The following PLXNC1 variants were observed in gnomAD, a reference collection of about 807,000 sequenced individuals.
PLXNC1 encodes the protein plexin C1.
A neutral mutation model predicts 178.2 loss-of-function variants in PLXNC1; 75 were observed. The ratio of observed to expected loss-of-function variants is 0.42; its 90% confidence interval spans 0.35 to 0.51. PLXNC1 has a LOEUF of 0.51. PLXNC1 is among the 20% of genes least tolerant of loss of function. The probability of loss-of-function intolerance (pLI) is 0.02; values close to 1 mark genes in which losing one functional copy is unlikely to be tolerated. For missense variants in PLXNC1, 1,503 were observed against 1,984.4 expected, an observed-to-expected ratio of 0.76 and a Z score of 4.61; for synonymous variants, 790 against 779.9, an observed-to-expected ratio of 1.01 and a Z score of -0.22.
chr12:94,248,808 A>G lies in PLXNC1; in HGVS notation c.2778+396A>G, dbSNP rs375466829. On this transcript the variant is annotated intron_variant, in intron 14 of 30. Coordinates refer to ENST00000258526, the MANE Select transcript of PLXNC1 (RefSeq NM_005761.3). ...AAACAAACAAGGGCCTCTTCAGCAC[A>G]CTCTGGGTAGCATTAGAATCAGATG... 2.2e-4 allele frequency among the ~76,000 whole-genome samples: 33 copies of G among 152,288 alleles called. 3 individuals are homozygous for G. Among genetic ancestry groups the G allele is most frequent in the African/African-American group, 7.2e-4 (30 of 41,554 alleles).
intron 4 of PLXNC1, among the ~76,000 whole-genome samples, chr12:94,196,224 C>T (rs1962907641): frequency 6.6e-6 from 1 of 152,166 alleles, no homozygotes; most frequent in South Asian, 2.1e-4. Context: ...TCCTCCAAAT[C>T]TCGTGTTGAA....
chr12:94,177,185 A>ATATATG (rs1962105857), intron 2 of PLXNC1, among the ~76,000 whole-genome samples: 1 of 32,780 alleles, frequency 3.1e-5, no homozygotes, highest in Non-Finnish European at 5.7e-5. Flanking sequence ...ACGTATATAT[A>ATATATG]TGTATATATA....
At chr12:94,231,349 G>A (rs1025668620) in intron 9 of PLXNC1, among the ~76,000 whole-genome samples, 2 of 152,154 alleles carry the variant, frequency 1.3e-5, no homozygotes, top group Admixed American at 6.5e-5. Context: ...CCCTAAGTAG[G>A]CACAGAGGAT....
At chr12:94,259,792 G>T in intron 19 of PLXNC1, 58 bp downstream of exon 19, 1 of 1,483,568 alleles carries the variant, frequency 6.7e-7, no homozygotes, top group South Asian at 1.3e-5. Flanking sequence ...GGCCGGGCAT[G>T]GTGGCTCATG....
chr12:94,282,247 AGTG>A (rs753821651), intron 22 of PLXNC1, 48 bp from the exon 23 acceptor site: 18 of 1,239,886 alleles, frequency 1.5e-5, no homozygotes, highest in Non-Finnish European at 2.4e-6. Flanking sequence ...GTGAAAGTAA[AGTG>A]GTGGCATTTT....
At chr12:94,243,080 G>T (rs1386199051) in intron 11 of PLXNC1, among the ~76,000 whole-genome samples, 1 of 152,270 alleles carries the variant, frequency 6.6e-6, no homozygotes, top group Non-Finnish European at 1.5e-5. Flanking sequence ...TCGGTTTTCT[G>T]GTAATGGCTA....
At chr12:94,188,934 A>G (rs1347171485) in intron 4 of PLXNC1, among the ~76,000 whole-genome samples, 1 of 152,228 alleles carries the variant, frequency 6.6e-6, no homozygotes, top group Non-Finnish European at 1.5e-5. Context: ...ACGGCCATTG[A>G]GAATGAGGTG....
chr12:94,208,456 G>GA (rs1963371036), intron 4 of PLXNC1, among the ~76,000 whole-genome samples: 2 of 152,118 alleles, frequency 1.3e-5, no homozygotes, highest in South Asian at 2.1e-4. Flanking sequence ...AGAGAAAGGA[G>GA]AAAAAATAAA....
chr12:94,210,865 C>A (rs1377931916), intron 5 of PLXNC1, among the ~76,000 whole-genome samples: 1 of 152,106 alleles, frequency 6.6e-6, no homozygotes, highest in Admixed American at 6.5e-5. Context: ...ATAGGTATAT[C>A]CAAATTCTAA....
chr12:94,216,563 A>C (rs559909680), intron 5 of PLXNC1, among the ~76,000 whole-genome samples: 1 of 152,310 alleles, frequency 6.6e-6, no homozygotes, highest in South Asian at 2.1e-4. Context: ...TTTGGAAAGC[A>C]ATTTGGCAGC....
chr12:94,229,024 G>A (rs1964020604), intron 9 of PLXNC1, among the ~76,000 whole-genome samples: 2 of 152,146 alleles, frequency 1.3e-5, no homozygotes, highest in Admixed American at 6.5e-5. Context: ...CCCACCAACA[G>A]TGCACAAGGG....
chr12:94,177,730 C>T (rs994147807), intron 2 of PLXNC1, among the ~76,000 whole-genome samples: 1 of 152,156 alleles, frequency 6.6e-6, no homozygotes, highest in Non-Finnish European at 1.5e-5. Flanking sequence ...CTAGATCTTG[C>T]TGACCATCTG....
chr12:94,296,365 T>C (rs1450473932), intron 24 of PLXNC1, among the ~76,000 whole-genome samples: 1 of 152,182 alleles, frequency 6.6e-6, no homozygotes, highest in African/African-American at 2.4e-5. Context: ...TCTCGCTACA[T>C]TGTCCAGGCT....
intron 4 of PLXNC1, among the ~76,000 whole-genome samples, chr12:94,193,804 G>T (rs900370509): frequency 6.6e-6 from 1 of 152,146 alleles, no homozygotes. Context: ...CAGAGGTGTC[G>T]GTTACTGAGT....
chr12:94,156,897 T>G (rs1175784073), intron 1 of PLXNC1, among the ~76,000 whole-genome samples: 5 of 151,922 alleles, frequency 3.3e-5, no homozygotes, highest in Admixed American at 2.0e-4. Flanking sequence ...TTATTTTTGG[T>G]AAAGATGAGG....
intron 5 of PLXNC1, among the ~76,000 whole-genome samples, chr12:94,212,825 T>G (rs1214792708): frequency 6.6e-6 from 1 of 151,566 alleles, no homozygotes; most frequent in East Asian, 1.9e-4. Flanking sequence ...GTTCATGCCA[T>G]TCTCCTGCCT....
chr12:94,156,704 CTTTCTTTTTT>C (rs1345885470), intron 1 of PLXNC1, among the ~76,000 whole-genome samples: 5 of 129,950 alleles, frequency 3.8e-5, no homozygotes, highest in East Asian at 2.3e-4. Flanking sequence ...TGGAAACTTT[CTTTCTTTTTT>C]TTTTTTTTTT....
Position 94,298,690 on chromosome 12 carries a change from G to A in PLXNC1, c.4133G>A (p.Ser1378Asn), listed in dbSNP as rs1267515224. The part of the protein sequence containing the change: ...LFRSIWSLPN[S>N]RAPFAIKYFF... ...AGAAGCATTTGGAGTTTACCCAACAGCAGAGCTCCATTTGCTATAAAATAC... is the reference window on the plus strand; with the variant it reads ...AGAAGCATTTGGAGTTTACCCAACAACAGAGCTCCATTTGCTATAAAATAC... The change falls in exon 27 of 31, where the codon AGC (serine) becomes AAC (asparagine). Residue 1378 changes from serine (S) to asparagine (N), a missense_variant. Ser to Asn is a conservative substitution (Grantham distance 46, BLOSUM62 1). Coordinates refer to ENST00000258526, the MANE Select transcript of PLXNC1 (RefSeq NM_005761.3). The A allele has an allele frequency of 1.9e-6, 3 of 1,612,372 alleles. No homozygotes were observed. In the East Asian group the frequency reaches 6.7e-5, roughly 36 times the overall value.
Position 94,301,034 on chromosome 12 carries a change from C to T in PLXNC1, c.4363C>T (p.Leu1455Phe). ...IAQAFMDAFS[L>F]TEQQLGKEAP... is the part of the protein sequence containing the mutation. ...CCAGGCATTCATGGATGCATTTTCT[C>T]TCACAGAGCAGCAACTAGGGAAGGT... is the stretch of plus-strand genomic sequence containing the variant. Residue 1455 changes from leucine (L) to phenylalanine (F), a missense_variant, in exon 28 of 31, where the codon CTC becomes TTC. Around this residue, in one of 4 missense-constraint regions of PLXNC1, gnomAD observed 639 missense variants for 979.7 expected, o/e 0.65. Coordinates refer to ENST00000258526, the MANE Select transcript of PLXNC1 (RefSeq NM_005761.3). The T allele has an allele frequency of 6.2e-7, 1 of 1,613,832 alleles. No homozygotes were observed. The highest frequency in any genetic ancestry group is 8.5e-7 in the Non-Finnish European group (1 of 1,179,772).
Sources: gnomAD v4.1 joint callset for allele counts (sites outside exome capture counted in the v4.1 genomes callset) on GRCh38, gnomAD v4.1.1 for gene constraint, gnomAD v4.1.1 regional missense constraint, MANE v1.5 for transcripts, NCBI Gene and HGNC (gene_info 2026-07-23, HGNC 2026-07-21) for gene names.